PPP1R13B: variants seen among roughly 807,000 people sequenced by gnomAD.
The protein encoded by PPP1R13B is protein phosphatase 1 regulatory subunit 13B, also known as apoptosis-stimulating of p53 protein 1.
In PPP1R13B, 44 loss-of-function variants were observed where a neutral mutation model predicts 119.8. The observed-to-expected ratio is 0.37, with a 90% CI of 0.29 to 0.47. PPP1R13B has a LOEUF of 0.47. PPP1R13B is among the 20% of genes least tolerant of loss of function. PPP1R13B has a pLI of 0.99. For missense variants in PPP1R13B, 1,227 were observed against 1,413.5 expected (o/e 0.87, Z 2.12); for synonymous variants, 542 against 561.5 (o/e 0.97, Z 0.49).
chr14:103,825,177 T>C (rs2086508511), intron 1 of PPP1R13B, among the ~76,000 whole-genome samples: 1 of 152,158 alleles, frequency 6.6e-6, no homozygotes, highest in African/African-American at 2.4e-5. Context: ...CAAACTTAAC[T>C]GGTAAGTGTT....
intron 7 of PPP1R13B, among the ~76,000 whole-genome samples, chr14:103,751,764 G>A (rs1467854035): frequency 6.6e-6 from 1 of 152,140 alleles, no homozygotes; most frequent in African/African-American, 2.4e-5. Context: ...TGAATTTGCT[G>A]GCACCTTGAT....
intron 1 of PPP1R13B, among the ~76,000 whole-genome samples, chr14:103,813,444 G>T (rs1371074323): frequency 3.3e-5 from 5 of 152,180 alleles, no homozygotes; most frequent in Non-Finnish European, 7.3e-5. Flanking sequence ...GAACCAGGTG[G>T]ACATAATTGG....
In PPP1R13B at chr14:103,738,987, G is replaced by A. The variant is rs374384363; in HGVS notation, c.2629C>T (p.Arg877Trp). The change falls in exon 13 of 17, where the codon CGG becomes TGG. Residue 877 changes from arginine (R) to tryptophan (W), a missense_variant. Physicochemically the swap from Arg to Trp is moderately radical, Grantham distance 101 (BLOSUM62 -3). Transcript: ENST00000202556. This position sits in a 1 kb window ranked among gnomAD's most constrained non-coding sequence, Gnocchi z 5.6. ...CGGACTCTCAGCCCGTGCCCCGTCC[G>A]CTCCGAGTTGGGCTTCTTCAAGTTG... The part of the protein sequence containing the change: ...RTNLKKPNSE[R>W]TGHGLRVRFN... 5.0e-6 allele frequency: 8 copies of A among 1,613,900 alleles called. No individual in the cohort carries two copies. Among genetic ancestry groups the A allele is most frequent in the African/African-American group, 4.0e-5 (3 of 74,928 alleles).
chr14:103,785,464 C>T (rs974461845), intron 2 of PPP1R13B, among the ~76,000 whole-genome samples: 4 of 151,890 alleles, frequency 2.6e-5, no homozygotes, highest in Non-Finnish European at 4.4e-5. Flanking sequence ...GTGATCCACC[C>T]GCCTTGGCCT....
At chr14:103,811,330 G>A (rs1408591442) in intron 1 of PPP1R13B, among the ~76,000 whole-genome samples, 1 of 152,028 alleles carries the variant, frequency 6.6e-6, no homozygotes, top group Admixed American at 6.6e-5. Flanking sequence ...GAAAAGACAA[G>A]CCACAGACTG....
intron 4 of PPP1R13B, among the ~76,000 whole-genome samples, chr14:103,775,612 T>A (rs2085169875): frequency 6.6e-6 from 1 of 152,162 alleles, no homozygotes; most frequent in Non-Finnish European, 1.5e-5. Flanking sequence ...TCTTCAACAT[T>A]CTGTTGGACA....
Position 103,826,872 on chromosome 14 carries a change from C to T in PPP1R13B, c.9+20427G>A, listed in dbSNP as rs1012909976. On this transcript the variant is annotated intron_variant, in intron 1 of 16. Transcript: ENST00000202556. ...AAATACAAAAAAAAAATTAGCTGGGCGTGGTGGCAGGCGCCTGTAGTCCCA... is the reference window on the plus strand; with the variant it reads ...AAATACAAAAAAAAAATTAGCTGGGTGTGGTGGCAGGCGCCTGTAGTCCCA... Among the ~76,000 whole-genome samples the T allele has an allele frequency of 1.9e-4, 29 of 150,618 alleles. 2 individuals are homozygous for T. Among genetic ancestry groups the T allele is most frequent in the Admixed American group, 7.9e-4 (12 of 15,098 alleles).
At chr14:103,797,068 G>A (rs1172601083) in intron 2 of PPP1R13B, among the ~76,000 whole-genome samples, 2 of 148,538 alleles carry the variant, frequency 1.3e-5, no homozygotes, top group Non-Finnish European at 3.0e-5. Context: ...CTATCACTCT[G>A]GCCTGGGAGA....
chr14:103,763,413 T>C (rs180931612), intron 4 of PPP1R13B: 1 of 162,012 alleles, frequency 6.2e-6, no homozygotes, highest in Admixed American at 6.3e-5. Flanking sequence ...GACTGTTCTG[T>C]TTGTGTTCAG....
chr14:103,744,566 T>C (rs1030055598), intron 9 of PPP1R13B, among the ~76,000 whole-genome samples: 2 of 152,210 alleles, frequency 1.3e-5, no homozygotes, highest in African/African-American at 4.8e-5. Flanking sequence ...ATTTTGTACA[T>C]ATTAAAGAGG....
intron 1 of PPP1R13B, among the ~76,000 whole-genome samples, chr14:103,824,959 A>C (rs1462249897): frequency 6.6e-6 from 1 of 152,008 alleles, no homozygotes; most frequent in Non-Finnish European, 1.5e-5. Context: ...TTTTTTTAAC[A>C]AATTGACGGG....
chr14:103,748,091 AC>A (rs1773870077), intron 8 of PPP1R13B, among the ~76,000 whole-genome samples: 1 of 151,692 alleles, frequency 6.6e-6, no homozygotes, highest in Non-Finnish European at 1.5e-5. Flanking sequence ...ACACACACAC[AC>A]ACACACACAC....
intron 8 of PPP1R13B, 58 bp from the exon 9 acceptor site, chr14:103,746,611 C>A: frequency 1.4e-6 from 2 of 1,435,776 alleles, no homozygotes; most frequent in Admixed American, 2.2e-5. Flanking sequence ...AAGTCCTAAG[C>A]TTAGTGCAAG....
At chr14:103,825,227 A>G (rs1195092234) in intron 1 of PPP1R13B, among the ~76,000 whole-genome samples, 1 of 151,936 alleles carries the variant, frequency 6.6e-6, no homozygotes, top group African/African-American at 2.4e-5. Flanking sequence ...CCATTCCCCC[A>G]TTTCTCTCCC....
At chr14:103,843,583 G>C in intron 1 of PPP1R13B, among the ~76,000 whole-genome samples, 1 of 152,086 alleles carries the variant, frequency 6.6e-6, no homozygotes. Flanking sequence ...TTGATAAAAA[G>C]GTGAGTGACT....
At chr14:103,775,880 T>A (rs1441776334) in intron 4 of PPP1R13B, among the ~76,000 whole-genome samples, 1 of 152,052 alleles carries the variant, frequency 6.6e-6, no homozygotes, top group Non-Finnish European at 1.5e-5. Flanking sequence ...GGAGAATCTA[T>A]AATCTTAACA....
upstream of PPP1R13B, chr14:103,848,310 C>G: frequency 1.0e-6 from 1 of 985,470 alleles, no homozygotes; most frequent in South Asian, 4.7e-5. Flanking sequence ...CCAGCGTCCC[C>G]GGGGAGGGTC....
At chr14:103,836,052 T>TC (rs1164604761) in intron 1 of PPP1R13B, among the ~76,000 whole-genome samples, 2 of 150,376 alleles carry the variant, frequency 1.3e-5, no homozygotes, top group African/African-American at 4.9e-5. Flanking sequence ...ACTGACTTTT[T>TC]TTTTTTTTTT....
chr14:103,787,727 A>G (rs1284907769), intron 2 of PPP1R13B, among the ~76,000 whole-genome samples: 8 of 143,288 alleles, frequency 5.6e-5, no homozygotes, highest in African/African-American at 2.1e-4. Flanking sequence ...ATCTCGGCTC[A>G]CTGCAAGCTC....
Sources: allele counts gnomAD v4.1 joint callset (sites outside exome capture counted in the v4.1 genomes callset), GRCh38; gene constraint gnomAD v4.1.1; non-coding constraint Gnocchi (gnomAD v3.1); transcripts MANE v1.5; gene names NCBI Gene and HGNC (gene_info 2026-07-23, HGNC 2026-07-21).